CDH13: variants seen among roughly 807,000 people sequenced by gnomAD.
CDH13 encodes the protein cadherin-13.
A neutral mutation model predicts 63.8 loss-of-function variants in CDH13; 24 were observed. The ratio of observed to expected loss-of-function variants is 0.38; its 90% CI spans 0.27 to 0.53. The LOEUF (loss-of-function observed/expected upper bound fraction) is 0.53, where lower values mean the gene tolerates loss of function less well. Among genes scored for constraint, CDH13 ranks in the 20% least tolerant of loss-of-function variants. The pLI is 0.85. For synonymous variants in CDH13, 503 were observed against 355.3 expected (o/e 1.42, Z -4.67); for missense variants, 1,049 against 903.1 (o/e 1.16, Z -2.07).
chr16:83,043,952 T>C (rs1227555593), intron 3 of CDH13, among the ~76,000 whole-genome samples: 1 of 152,050 alleles, frequency 6.6e-6, no homozygotes, highest in Admixed American at 6.6e-5. Flanking sequence ...CAATTTAGAG[T>C]ATTTAATTTT....
chr16:83,631,268 G>A (rs143914283), intron 8 of CDH13, among the ~76,000 whole-genome samples: 147 of 152,264 alleles, frequency 9.7e-4, no homozygotes, highest in African/African-American at 3.2e-3. Flanking sequence ...AAAACTTGCC[G>A]GAGTCTCTAG....
chr16:83,432,562 G>A lies in CDH13; in HGVS notation c.782-53915G>A, dbSNP rs546251287. 2.6e-4 allele frequency among the ~76,000 whole-genome samples: 39 copies of A among 152,266 alleles called. No homozygotes were observed. In the South Asian group the frequency reaches 6.0e-3, roughly 24 times the overall value. ...CTGCTGTAAACAGAGTGGGTGAAACGAGCTTCAAGAAAAGCTTTTAGACTG... is the reference window on the plus strand; with the variant it reads ...CTGCTGTAAACAGAGTGGGTGAAACAAGCTTCAAGAAAAGCTTTTAGACTG... On this transcript the variant is annotated intron_variant, in intron 6 of 13. Transcript: ENST00000567109.
intron 1 of CDH13, among the ~76,000 whole-genome samples, chr16:82,750,220 G>C (rs911569190): frequency 2.6e-5 from 4 of 152,158 alleles, no homozygotes; most frequent in African/African-American, 9.7e-5. Flanking sequence ...GGGGGTATCT[G>C]TGGCCAGAAA....
At chr16:82,913,449 C>T (rs1268571109) in intron 2 of CDH13, among the ~76,000 whole-genome samples, 1 of 152,118 alleles carries the variant, frequency 6.6e-6, no homozygotes, top group Non-Finnish European at 1.5e-5. Context: ...CTCCTCCTTA[C>T]CCTGGACTGT....
chr16:83,095,883 TA>T (rs2034169144), intron 3 of CDH13, among the ~76,000 whole-genome samples: 1 of 152,182 alleles, frequency 6.6e-6, no homozygotes, highest in African/African-American at 2.4e-5. Context: ...GAGAAGCCCA[TA>T]AAACAATATT....
intron 8 of CDH13, among the ~76,000 whole-genome samples, chr16:83,630,866 G>T (rs1910717856): frequency 6.6e-6 from 1 of 152,132 alleles, no homozygotes; most frequent in African/African-American, 2.4e-5. Flanking sequence ...AATGGGAGCA[G>T]GTTTGCCTCC....
chr16:83,602,724 G>A (rs1254517151), intron 8 of CDH13, 130 bp downstream of exon 8: 18 of 939,300 alleles, frequency 1.9e-5, no homozygotes, highest in African/African-American at 9.8e-5. Flanking sequence ...TGGGAGAGAC[G>A]ATGGTGTTTT....
At chr16:83,452,388 C>G (rs1016363592) in intron 6 of CDH13, among the ~76,000 whole-genome samples, 1 of 151,864 alleles carries the variant, frequency 6.6e-6, no homozygotes, top group African/African-American at 2.4e-5. Flanking sequence ...GTGCCAAGTT[C>G]TATACTAGGC....
intron 2 of CDH13, among the ~76,000 whole-genome samples, chr16:82,891,988 C>A (rs944703674): frequency 1.3e-5 from 2 of 152,042 alleles, no homozygotes; most frequent in African/African-American, 4.8e-5. Context: ...TAAATCTTGC[C>A]CAGTTGGGGC....
At chr16:83,637,097 T>G (rs1911332145) in intron 8 of CDH13, among the ~76,000 whole-genome samples, 1 of 152,252 alleles carries the variant, frequency 6.6e-6, no homozygotes, top group African/African-American at 2.4e-5. Flanking sequence ...GCCCTCTTTT[T>G]AATGGTTATT....
chr16:82,816,241 C>T (rs1042122960), intron 1 of CDH13, among the ~76,000 whole-genome samples: 4 of 152,078 alleles, frequency 2.6e-5, no homozygotes, highest in Non-Finnish European at 5.9e-5. Context: ...TTCCCACTAT[C>T]TTATTATTTG....
intron 5 of CDH13, among the ~76,000 whole-genome samples, chr16:83,296,463 G>C (rs907432262): frequency 2.0e-5 from 3 of 152,168 alleles, no homozygotes; most frequent in African/African-American, 7.2e-5. Context: ...TTTAAGGGCA[G>C]ACGTATTTGG....
At chr16:83,236,188 C>A (rs1051927276) in intron 5 of CDH13, among the ~76,000 whole-genome samples, 1 of 151,300 alleles carries the variant, frequency 6.6e-6, no homozygotes, top group South Asian at 2.1e-4. Flanking sequence ...CAAACTAGTT[C>A]TGAAAACATA....
chr16:82,787,548 C>G (rs574626351), intron 1 of CDH13, among the ~76,000 whole-genome samples: 1 of 152,248 alleles, frequency 6.6e-6, no homozygotes, highest in East Asian at 1.9e-4. Flanking sequence ...AGTGTAAGTA[C>G]AATTTATCGA....
chr16:83,574,080 G>A (rs1567776364), intron 7 of CDH13, among the ~76,000 whole-genome samples: 1 of 152,108 alleles, frequency 6.6e-6, no homozygotes, highest in Non-Finnish European at 1.5e-5. Flanking sequence ...TTTCCCAGCT[G>A]CGAAATGGGC....
At chr16:82,791,237 C>CA (rs3046482) in intron 1 of CDH13, among the ~76,000 whole-genome samples, 31 of 103,380 alleles carry the variant, frequency 3.0e-4, no homozygotes, top group African/African-American at 1.1e-3. Flanking sequence ...ACTCCGTCTC[C>CA]AAAAAAAAAA....
chr16:82,875,627 G>C (rs545097584), intron 2 of CDH13, among the ~76,000 whole-genome samples: 4 of 152,178 alleles, frequency 2.6e-5, no homozygotes, highest in African/African-American at 4.8e-5. Flanking sequence ...GTCAAATATA[G>C]TTTTCAAAAA....
At chr16:82,814,931 C>T (rs2037629664) in intron 1 of CDH13, among the ~76,000 whole-genome samples, 2 of 152,066 alleles carry the variant, frequency 1.3e-5, no homozygotes, top group Non-Finnish European at 2.9e-5. Context: ...TGAAGAATGG[C>T]TTGATGTATT....
chr16:83,181,178 C>A (rs951468219), intron 4 of CDH13: 24 of 585,588 alleles, frequency 4.1e-5, no homozygotes, highest in Admixed American at 3.5e-4. Flanking sequence ...GGCTTTGCAG[C>A]CAAGAAATGA....
Sources: allele counts gnomAD v4.1 joint callset (sites outside exome capture counted in the v4.1 genomes callset), GRCh38; gene constraint gnomAD v4.1.1; transcripts MANE v1.5; gene names NCBI Gene and HGNC (gene_info 2026-07-23, HGNC 2026-07-21).